The following RUNX1 variants were observed in gnomAD, a reference collection of about 807,000 sequenced individuals.
The protein encoded by RUNX1 is RUNX family transcription factor 1.
In RUNX1, 19 loss-of-function variants were observed where a neutral mutation model predicts 42.8. The observed-to-expected ratio is 0.44, with a 90% CI of 0.31 to 0.65. The LOEUF is 0.65. Among genes scored for constraint, RUNX1 ranks in the 30% least tolerant of loss-of-function variants. The pLI is 0.07. For missense variants in RUNX1, 528 were observed against 672.0 expected, an observed-to-expected ratio of 0.79 and a Z score of 2.37; for synonymous variants, 271 against 289.4, an observed-to-expected ratio of 0.94 and a Z score of 0.64.
intron 7 of RUNX1, among the ~76,000 whole-genome samples, chr21:34,826,878 A>T (rs1374885354): frequency 6.6e-6 from 1 of 152,240 alleles, no homozygotes; most frequent in African/African-American, 2.4e-5. Context: ...TGGCTTTGGA[A>T]CTGTATAACC....
chr21:34,888,067 G>A, intron 3 of RUNX1: 1 of 1,066,356 alleles, frequency 9.4e-7, no homozygotes, highest in South Asian at 4.5e-5. Context: ...GTTGGGAGTT[G>A]AGCAGCCGCA....
At chr21:34,834,895 T>C (rs1030681920) in intron 6 of RUNX1, among the ~76,000 whole-genome samples, 5 of 152,140 alleles carry the variant, frequency 3.3e-5, no homozygotes, top group Admixed American at 2.6e-4. Context: ...CTCACTGAGA[T>C]ACAGAACTTG....
intron 2 of RUNX1, among the ~76,000 whole-genome samples, chr21:34,977,204 A>T (rs2058808990): frequency 6.6e-6 from 1 of 152,244 alleles, no homozygotes; most frequent in South Asian, 2.1e-4. Context: ...GAAAAGAAAA[A>T]TTTGAAAAAT....
chr21:34,921,830 C>T lies in RUNX1; in HGVS notation c.59-28867G>A, dbSNP rs151193537. On this transcript the variant is annotated intron_variant, in intron 2 of 8. Coordinates refer to ENST00000675419, the MANE Select transcript of RUNX1 (RefSeq NM_001754.5). ...TGTATTTTTAGTGGAGATGGAGTTT[C>T]ACTATATTGGCCAGGCTGGTCTCGA... is the stretch of plus-strand genomic sequence containing the variant. Among the ~76,000 whole-genome samples the T allele has an allele frequency of 1.2e-3, 184 of 152,178 alleles. 1 individual carries two copies. Among genetic ancestry groups the T allele is most frequent in the African/African-American group, 4.1e-3 (171 of 41,498 alleles).
Position 34,790,167 on chromosome 21 carries a change from G to A in RUNX1, c.*1968C>T, listed in dbSNP as rs1407831143. 4.3e-6 allele frequency: 1 copy of A among 233,024 alleles called. No homozygotes were observed. Among genetic ancestry groups the A allele is most frequent in the East Asian group, 6.1e-5 (1 of 16,476 alleles). The allele number at this position is 233,024 out of a possible 1,614,324, so 14.4% of individuals were successfully genotyped here. ...AGATAAGAACGACCTGACAACATAA[G>A]CTGCTTTACTCTTTAACTCTTACCA... On this transcript the variant is annotated 3_prime_UTR_variant, in exon 9 of 9. Coordinates refer to ENST00000675419, the MANE Select transcript of RUNX1 (RefSeq NM_001754.5).
At chr21:34,993,792 GACACACACACAGAC>G (rs1359267692) in intron 2 of RUNX1, among the ~76,000 whole-genome samples, 32 of 77,742 alleles carry the variant, frequency 4.1e-4, no homozygotes, top group African/African-American at 1.9e-3. Flanking sequence ...CACACACACA[GACACACACACAGAC>G]ACACACACAC....
At chr21:34,850,485 C>T (rs2057402854) in intron 6 of RUNX1, among the ~76,000 whole-genome samples, 2 of 152,220 alleles carry the variant, frequency 1.3e-5, no homozygotes, top group Admixed American at 6.5e-5. Context: ...CCCCAAGACA[C>T]CTGCTACATT....
intron 2 of RUNX1, among the ~76,000 whole-genome samples, chr21:34,981,667 T>C (rs566215322): frequency 6.6e-6 from 1 of 152,344 alleles, no homozygotes; most frequent in East Asian, 1.9e-4. Flanking sequence ...TCCTGCCATA[T>C]TGGTAACTGA....
At chr21:34,916,828 G>A (rs1268516625) in intron 2 of RUNX1, among the ~76,000 whole-genome samples, 8 of 152,082 alleles carry the variant, frequency 5.3e-5, no homozygotes, top group African/African-American at 1.4e-4. Flanking sequence ...GGGTCGCGGC[G>A]GCATTTTCTG....
intron 5 of RUNX1, among the ~76,000 whole-genome samples, chr21:34,874,184 C>T (rs1329863864): frequency 6.6e-6 from 1 of 151,878 alleles, no homozygotes; most frequent in African/African-American, 2.4e-5. Context: ...ACACACACTC[C>T]ACTGGCTAAG....
chr21:34,916,319 A>G (rs1190487649), intron 2 of RUNX1, among the ~76,000 whole-genome samples: 1 of 152,198 alleles, frequency 6.6e-6, no homozygotes, highest in Admixed American at 6.5e-5. Context: ...GAAAGCAACA[A>G]ACATGAACCC....
rs563484931 is a variant in RUNX1, at chr21:34,970,598, T to G, written c.59-77635A>C. On this transcript the variant is annotated intron_variant, in intron 2 of 8. Coordinates refer to ENST00000675419, the MANE Select transcript of RUNX1 (RefSeq NM_001754.5). ...TTCCCTTCACCCTTTACATTTTACC[T>G]CACTGGGCTCCTACGTTGGTCAGAG... 3.3e-5 allele frequency among the ~76,000 whole-genome samples: 5 copies of G among 152,330 alleles called. No homozygotes were observed. The East Asian group carries it at 7.7e-4, about 24-fold the overall frequency.
chr21:35,042,011 A>G (rs1424785158), intron 2 of RUNX1, among the ~76,000 whole-genome samples: 2 of 152,204 alleles, frequency 1.3e-5, no homozygotes, highest in African/African-American at 4.8e-5. Context: ...GGCGGGAAGC[A>G]ACTATTTCCA....
chr21:34,927,184 C>G (rs2058402088), intron 2 of RUNX1, among the ~76,000 whole-genome samples: 1 of 152,172 alleles, frequency 6.6e-6, no homozygotes, highest in East Asian at 1.9e-4. Context: ...CATTAAAGAG[C>G]TGGAGTTTAC....
chr21:34,849,725 T>C (rs1290340338), intron 6 of RUNX1, among the ~76,000 whole-genome samples: 2 of 150,610 alleles, frequency 1.3e-5, no homozygotes, highest in African/African-American at 2.4e-5. Flanking sequence ...ATTTACCCTT[T>C]CTGTATTGCC....
chr21:35,046,843 A>G (rs1363563642), intron 2 of RUNX1, among the ~76,000 whole-genome samples: 1 of 151,998 alleles, frequency 6.6e-6, no homozygotes, highest in African/African-American at 2.4e-5. Context: ...AGGAGTGGAA[A>G]AACCTTTCCA....
intron 2 of RUNX1, among the ~76,000 whole-genome samples, chr21:35,016,987 G>C (rs1456975772): frequency 6.6e-6 from 1 of 150,956 alleles, no homozygotes; most frequent in East Asian, 2.0e-4. Flanking sequence ...CCAAAGAGCA[G>C]TAATGGGAAG....
At chr21:34,900,191 A>G (rs2058166193) in intron 2 of RUNX1, among the ~76,000 whole-genome samples, 1 of 152,242 alleles carries the variant, frequency 6.6e-6, no homozygotes, top group Non-Finnish European at 1.5e-5. Context: ...AAAATTATTA[A>G]TGAGCTATTT....
rs529214164 is a variant in RUNX1 at position 35,020,179 on chromosome 21, T to C, written c.58+28663A>G. On this transcript the variant is annotated intron_variant, in intron 2 of 8. Transcript: ENST00000675419. Reference sequence around the variant, plus strand: ...AATTAGATTTTTTTTTTAACCAAAATAGCACAACTGTTCCCCTTCTCTATA... The same window carrying C: ...AATTAGATTTTTTTTTTAACCAAAACAGCACAACTGTTCCCCTTCTCTATA... Among the ~76,000 whole-genome samples, 157 of 152,238 alleles carry C rather than the reference T, an allele frequency of 1.0e-3. 1 individual carries two copies. The highest frequency in any genetic ancestry group is 3.7e-3 in the African/African-American group (153 of 41,548).
Sources: gnomAD v4.1 joint callset for allele counts (sites outside exome capture counted in the v4.1 genomes callset) on GRCh38, gnomAD v4.1.1 for gene constraint, MANE v1.5 for transcripts, NCBI Gene and HGNC (gene_info 2026-07-23, HGNC 2026-07-21) for gene names.